Variants in BAZ2B observed in about 807,000 individuals in gnomAD.
The protein encoded by BAZ2B is bromodomain adjacent to zinc finger domain 2B.
A neutral mutation model predicts 246.0 loss-of-function variants in BAZ2B; 91 were observed. The observed-to-expected ratio is 0.37, with a 90% CI of 0.31 to 0.44. BAZ2B has a LOEUF of 0.44. Among genes scored for constraint, BAZ2B ranks in the 20% least tolerant of loss-of-function variants. The probability of loss-of-function intolerance (pLI) is 1.00; values close to 1 mark genes in which losing one functional copy is unlikely to be tolerated. For synonymous variants in BAZ2B, 855 were observed against 860.0 expected (o/e 0.99, Z 0.10); for missense variants, 2,332 against 2,533.7 (o/e 0.92, Z 1.71).
intron 3 of BAZ2B, among the ~76,000 whole-genome samples, chr2:159,476,156 C>A (rs1028035277): frequency 6.6e-6 from 1 of 152,130 alleles, no homozygotes; most frequent in African/African-American, 2.4e-5. Context: ...CACATTCCCC[C>A]AGGTGCTCTG....
At chr2:159,677,596 T>C in the BAZ2B span, among the ~76,000 whole-genome samples, 2 of 152,190 alleles carry the variant, frequency 1.3e-5, no homozygotes, top group Non-Finnish European at 2.9e-5. Flanking sequence ...TCATTAAACA[T>C]CTGTGAGGAC....
At chr2:159,543,111 G>T (rs915209370) in intron 2 of BAZ2B, among the ~76,000 whole-genome samples, 3 of 152,080 alleles carry the variant, frequency 2.0e-5, no homozygotes, top group African/African-American at 7.2e-5. Context: ...TCATGACAGG[G>T]TGCCTGGCAC....
At chr2:159,470,263 T>A (rs1041112195) in intron 3 of BAZ2B, among the ~76,000 whole-genome samples, 2 of 152,218 alleles carry the variant, frequency 1.3e-5, no homozygotes, top group Admixed American at 1.3e-4. Flanking sequence ...TAAAAGACTC[T>A]CAGCAAAGAA....
the BAZ2B span, among the ~76,000 whole-genome samples, chr2:159,670,479 TCCC>T: frequency 6.6e-6 from 1 of 152,264 alleles, no homozygotes; most frequent in South Asian, 2.1e-4. Context: ...AGCATATAGG[TCCC>T]TTTAATCACC....
chr2:159,483,594 T>C (rs1173207087), intron 2 of BAZ2B, among the ~76,000 whole-genome samples: 1 of 152,118 alleles, frequency 6.6e-6, no homozygotes, highest in Non-Finnish European at 1.5e-5. Flanking sequence ...CTGGCCAACA[T>C]GGTGAAACCC....
chr2:159,429,298 T>C (rs2070631229), intron 10 of BAZ2B, 38 bp from the exon 11 acceptor site: 1 of 1,201,066 alleles, frequency 8.3e-7, no homozygotes, highest in African/African-American at 1.5e-5. Context: ...AAAACATTCA[T>C]TAATATAAAT....
At position 159,412,662 on chromosome 2, in the gene BAZ2B, A is replaced by G. The variant is rs189707028; in HGVS notation, c.2467-117T>C. ...ATATTTTGGAATTTACAACATTAGT[A>G]TAAGCTTTAGGAATTTCATTTTTAA... On this transcript the variant is annotated intron_variant, in intron 13 of 36. Coordinates refer to ENST00000392783, the MANE Select transcript of BAZ2B (RefSeq NM_013450.4). 327 of 917,854 alleles carry G rather than the reference A, an allele frequency of 3.6e-4. 2 individuals are homozygous for G. The East Asian group carries it at 8.6e-3, about 24-fold the overall frequency. 56.9% of individuals were successfully genotyped at this position (917,854 alleles called of 1,614,324 possible).
At chr2:159,402,465 AAAAAC>A (rs1453801910) in intron 16 of BAZ2B, among the ~76,000 whole-genome samples, 4 of 151,988 alleles carry the variant, frequency 2.6e-5, no homozygotes, top group Admixed American at 2.0e-4. Context: ...CAAACAAACA[AAAAAC>A]AAAACAAAAC....
intron 2 of BAZ2B, among the ~76,000 whole-genome samples, chr2:159,507,862 C>T (rs2082494029): frequency 6.6e-6 from 1 of 152,006 alleles, no homozygotes. Flanking sequence ...ATAAAAATAA[C>T]AGCACTACGT....
the BAZ2B span, among the ~76,000 whole-genome samples, chr2:159,683,763 G>A: frequency 1.2e-4 from 18 of 152,120 alleles, no homozygotes; most frequent in African/African-American, 3.4e-4. Flanking sequence ...TGCAATCTGT[G>A]CTATGTCTTC....
chr2:159,675,324 A>G, the BAZ2B span, among the ~76,000 whole-genome samples: 1 of 152,166 alleles, frequency 6.6e-6, no homozygotes, highest in African/African-American at 2.4e-5. Flanking sequence ...ACAGTTTAAC[A>G]AATGTTAAAT....
In BAZ2B at chr2:159,349,138, A is replaced by C. The variant is rs1274514857; in HGVS notation, c.5006T>G (p.Leu1669Trp). ...GLSEGNGNSF[L>W]TSNVASSKSE... ...TTTACTTGAAGCAACATTGGAAGTC[A>C]AGAATGAATTACCATTTCCTTCTGA... The change falls in exon 29 of 37, where the codon TTG (leucine) becomes TGG (tryptophan). Residue 1669 changes from leucine to tryptophan, a missense_variant. Around this residue, in one of 9 missense-constraint regions of BAZ2B, gnomAD observed 676 missense variants for 668.6 expected, o/e 1.01. Transcript: ENST00000392783. The C allele has an allele frequency of 2.5e-6, 4 of 1,613,992 alleles. No individual in the cohort carries two copies. Among genetic ancestry groups the C allele is most frequent in the Admixed American group, 1.7e-5 (1 of 59,994 alleles).
chr2:159,340,622 T>C lies in BAZ2B; in HGVS notation c.5455-2850A>G, dbSNP rs559736479. 9.2e-5 allele frequency among the ~76,000 whole-genome samples: 14 copies of C among 151,592 alleles called. No homozygotes were observed. The East Asian group carries it at 2.7e-3, about 30-fold the overall frequency. ...TAGGCCAGGAGAGAATGGGATGATA[T>C]ATTCAAAGTAGTGAGAGAAAAAAAA... On this transcript the variant is annotated intron_variant, in intron 31 of 36. Transcript: ENST00000392783.
the BAZ2B span, among the ~76,000 whole-genome samples, chr2:159,687,130 T>C: frequency 6.6e-6 from 1 of 151,964 alleles, no homozygotes; most frequent in South Asian, 2.1e-4. Context: ...TACAGTAACT[T>C]GCTGTACTAT....
the BAZ2B span, among the ~76,000 whole-genome samples, chr2:159,645,139 G>A: frequency 3.9e-5 from 6 of 152,092 alleles, no homozygotes; most frequent in Admixed American, 1.3e-4. Context: ...AGGCATGGTG[G>A]CATGCACCTA....
chr2:159,578,882 C>A (rs922278181), intron 1 of BAZ2B, among the ~76,000 whole-genome samples: 2 of 152,122 alleles, frequency 1.3e-5, no homozygotes, highest in Non-Finnish European at 2.9e-5. Flanking sequence ...CCAATGAGAA[C>A]AAAGACACAA....
chr2:159,555,047 G>A (rs1231571690), intron 2 of BAZ2B, among the ~76,000 whole-genome samples: 1 of 148,680 alleles, frequency 6.7e-6, no homozygotes, highest in Non-Finnish European at 1.5e-5. Context: ...CTATATATAT[G>A]TGGTATGTGG....
rs201827815 is a variant in BAZ2B, at chr2:159,438,396, T to G, written c.1200A>C (p.Lys400Asn). 4.9e-5 allele frequency: 79 copies of G among 1,614,006 alleles called. No individual in the cohort carries two copies. Among genetic ancestry groups the G allele is most frequent in the Non-Finnish European group, 5.8e-5 (69 of 1,180,014 alleles). ...GAACATCAGGAGAAGGAACTATGAG[T>G]TTCATGTAAGTTTCCTTTTTGGCTT... ...VNQAKKETYM[K>N]LIVPSPDVLK... The change falls in exon 8 of 37, where the codon AAA (lysine) becomes AAC (asparagine). Residue 400 changes from lysine (K) to asparagine (N), a missense_variant. Physicochemically the swap from Lys to Asn is moderately conservative, Grantham distance 94. Around this residue, in one of 9 missense-constraint regions of BAZ2B, gnomAD observed 651 missense variants for 650.9 expected, o/e 1.00. Coordinates refer to ENST00000392783, the MANE Select transcript of BAZ2B (RefSeq NM_013450.4).
chr2:159,332,413 G>A, intron 34 of BAZ2B, 127 bp downstream of exon 34: 1 of 895,636 alleles, frequency 1.1e-6, no homozygotes, highest in Non-Finnish European at 1.6e-6. Context: ...CTTGAGCCCA[G>A]GAGTTTTAGG....
Sources: gnomAD v4.1 joint callset for allele counts (sites outside exome capture counted in the v4.1 genomes callset) on GRCh38, gnomAD v4.1.1 for gene constraint, gnomAD v4.1.1 regional missense constraint, MANE v1.5 for transcripts, NCBI Gene and HGNC (gene_info 2026-07-23, HGNC 2026-07-21) for gene names.